FNDC3B: variants seen among roughly 807,000 people sequenced by gnomAD.
FNDC3B encodes fibronectin type III domain-containing protein 3B.
In FNDC3B, 12 loss-of-function variants were observed where a neutral mutation model predicts 151.5. That is an observed-to-expected ratio of 0.08 (90% CI 0.05 to 0.13). The LOEUF (loss-of-function observed/expected upper bound fraction) is 0.13, where lower values mean the gene tolerates loss of function less well. Among genes scored for constraint, FNDC3B ranks in the 10% least tolerant of loss-of-function variants. FNDC3B has a pLI of 1.00. For synonymous variants in FNDC3B, 528 were observed against 549.0 expected, an observed-to-expected ratio of 0.96 and a Z score of 0.54; for missense variants, 1,214 against 1,505.3, an observed-to-expected ratio of 0.81 and a Z score of 3.20.
intron 25 of FNDC3B, among the ~76,000 whole-genome samples, chr3:172,395,623 T>TC (rs1736235424): frequency 6.6e-6 from 1 of 151,118 alleles, no homozygotes; most frequent in African/African-American, 2.5e-5. Context: ...CAAAAAAAAT[T>TC]CCTCAAGAAA....
chr3:172,333,455 G>A (rs1305941635), intron 14 of FNDC3B, among the ~76,000 whole-genome samples: 3 of 151,088 alleles, frequency 2.0e-5, no homozygotes, highest in Non-Finnish European at 4.4e-5. Flanking sequence ...CCGAGTAGCT[G>A]GGACTATAGG....
intron 3 of FNDC3B, among the ~76,000 whole-genome samples, chr3:172,142,918 G>A (rs1721701294): frequency 6.6e-6 from 1 of 152,180 alleles, no homozygotes; most frequent in Non-Finnish European, 1.5e-5. Context: ...ATAGATGGCA[G>A]TTTCTCTCTG....
chr3:172,201,336 G>GT (rs996297079), intron 3 of FNDC3B, among the ~76,000 whole-genome samples: 64 of 152,124 alleles, frequency 4.2e-4, no homozygotes, highest in African/African-American at 1.4e-3. Context: ...TGTCTGTGAG[G>GT]TTTTTTTTCC....
At chr3:172,069,691 C>T (rs146926703) in intron 1 of FNDC3B, among the ~76,000 whole-genome samples, 2 of 152,150 alleles carry the variant, frequency 1.3e-5, no homozygotes, top group Non-Finnish European at 2.9e-5. Context: ...GCTCTTGTTT[C>T]AGCTTCACTG....
At chr3:172,342,723 T>C (rs1733388471) in intron 17 of FNDC3B, among the ~76,000 whole-genome samples, 1 of 152,244 alleles carries the variant, frequency 6.6e-6, no homozygotes, top group African/African-American at 2.4e-5. Flanking sequence ...GGAAAAGAAT[T>C]GTGTGCTTAG....
At chr3:172,182,299 T>G (rs1177537917) in intron 3 of FNDC3B, among the ~76,000 whole-genome samples, 1 of 152,176 alleles carries the variant, frequency 6.6e-6, no homozygotes, top group East Asian at 1.9e-4. Context: ...TGAGTCAGGC[T>G]GGTGGCTGTC....
At chr3:172,354,071 T>C (rs895990134) in intron 22 of FNDC3B, among the ~76,000 whole-genome samples, 1 of 152,122 alleles carries the variant, frequency 6.6e-6, no homozygotes, top group African/African-American at 2.4e-5. Flanking sequence ...TTTTACATCT[T>C]GAAGTAGAGG....
rs1720022822 is a variant in FNDC3B at position 172,112,430 on chromosome 3, A to C, written c.-28-22A>C. 7 of 1,337,818 alleles carry C rather than the reference A, an allele frequency of 5.2e-6. No homozygotes were observed. The East Asian group carries it at 1.6e-4, about 31-fold the overall frequency. 82.9% of individuals were successfully genotyped at this position (1,337,818 alleles called of 1,614,324 possible). A position where few individuals can be genotyped will look rare whatever the true frequency, so the allele number is the denominator to read the frequency against. ...TTTTTGTGGTTCTGAGTCCTTTTTAAAAAGCGGCGGTTCTCTTGCAGGAAG... is the reference window on the plus strand; with the variant it reads ...TTTTTGTGGTTCTGAGTCCTTTTTACAAAGCGGCGGTTCTCTTGCAGGAAG... On this transcript the variant is annotated intron_variant, in intron 1 of 25. Transcript: ENST00000415807.
intron 3 of FNDC3B, among the ~76,000 whole-genome samples, chr3:172,161,296 G>C (rs1317470956): frequency 6.6e-6 from 1 of 152,198 alleles, no homozygotes; most frequent in East Asian, 1.9e-4. Context: ...ATGAAGTCAA[G>C]AAAGCACAAT....
chr3:172,251,852 G>T (rs1355799828), intron 6 of FNDC3B, among the ~76,000 whole-genome samples: 1 of 152,188 alleles, frequency 6.6e-6, no homozygotes, highest in Non-Finnish European at 1.5e-5. Context: ...TGAATAGACA[G>T]ATGTGGAAGA....
chr3:172,140,986 G>C (rs1721598396), intron 3 of FNDC3B, among the ~76,000 whole-genome samples: 1 of 152,128 alleles, frequency 6.6e-6, no homozygotes, highest in Non-Finnish European at 1.5e-5. Context: ...TGAATCCCTG[G>C]TCATTTCGTA....
At chr3:172,187,765 T>C (rs1724267472) in intron 3 of FNDC3B, among the ~76,000 whole-genome samples, 1 of 152,046 alleles carries the variant, frequency 6.6e-6, no homozygotes, top group African/African-American at 2.4e-5. Context: ...GAATAGCTGG[T>C]GTATGCCACT....
At chr3:172,204,231 G>A (rs765965292) in intron 3 of FNDC3B, among the ~76,000 whole-genome samples, 37 of 152,282 alleles carry the variant, frequency 2.4e-4, no homozygotes, top group Non-Finnish European at 5.1e-4. Flanking sequence ...AGCATCCATA[G>A]TCTCATCAGA....
At chr3:172,198,490 T>C (rs1388802898) in intron 3 of FNDC3B, among the ~76,000 whole-genome samples, 2 of 152,096 alleles carry the variant, frequency 1.3e-5, no homozygotes, top group Admixed American at 1.3e-4. Context: ...ACTCAAGGGG[T>C]TGTTCTAATT....
chr3:172,118,300 G>C (rs374880760), intron 2 of FNDC3B, among the ~76,000 whole-genome samples: 141 of 152,168 alleles, frequency 9.3e-4, no homozygotes, highest in Non-Finnish European at 1.6e-3. Flanking sequence ...CTTCTTGATG[G>C]CTTCCGTCTT....
At chr3:172,150,431 T>C (rs1286268464) in intron 3 of FNDC3B, among the ~76,000 whole-genome samples, 1 of 152,040 alleles carries the variant, frequency 6.6e-6, no homozygotes, top group African/African-American at 2.4e-5. Flanking sequence ...GTGTGTGTCT[T>C]GACTCCCCAT....
At chr3:172,296,226 C>T (rs1026753830) in intron 8 of FNDC3B, among the ~76,000 whole-genome samples, 3 of 152,324 alleles carry the variant, frequency 2.0e-5, no homozygotes, top group Non-Finnish European at 4.4e-5. Context: ...TGAGTGGACC[C>T]TCCAGTGACT....
chr3:172,174,933 A>ACCCCCCCCCCCCC (rs1269639185), intron 3 of FNDC3B, among the ~76,000 whole-genome samples: 1 of 18,260 alleles, frequency 5.5e-5, no homozygotes, highest in Non-Finnish European at 1.1e-4. Flanking sequence ...TCCCCCCGCC[A>ACCCCCCCCCCCCC]CCCCCCCCCC....
intron 11 of FNDC3B, among the ~76,000 whole-genome samples, chr3:172,316,996 C>T (rs906089227): frequency 2.6e-5 from 4 of 152,250 alleles, no homozygotes; most frequent in African/African-American, 4.8e-5. Context: ...ACAGCGCAAG[C>T]GTGAGAGAGG....
Sources: gnomAD v4.1 joint callset for allele counts (sites outside exome capture counted in the v4.1 genomes callset) on GRCh38, gnomAD v4.1.1 for gene constraint, MANE v1.5 for transcripts, NCBI Gene and HGNC (gene_info 2026-07-23, HGNC 2026-07-21) for gene names.